The following RBFOX1 variants were observed in gnomAD, a reference collection of about 807,000 sequenced individuals.
The protein encoded by RBFOX1 is RNA binding protein fox-1 homolog 1.
A neutral mutation model predicts 57.7 loss-of-function variants in RBFOX1; 8 were observed. The ratio of observed to expected loss-of-function variants is 0.14; its 90% CI spans 0.08 to 0.25. RBFOX1 has a LOEUF of 0.25. RBFOX1 is among the 10% of genes least tolerant of loss of function. The probability of loss-of-function intolerance (pLI) is 1.00; values close to 1 mark genes in which losing one functional copy is unlikely to be tolerated. For missense variants in RBFOX1, 611 were observed against 548.5 expected, an observed-to-expected ratio of 1.11 and a Z score of -1.14; for synonymous variants, 326 against 222.4, an observed-to-expected ratio of 1.47 and a Z score of -4.15.
In RBFOX1 at chr16:6,954,076, C is replaced by T. The variant is rs150017758; in HGVS notation, c.-15-97981C>T. ...AGAGAGAACTTCTCTGTCAACAAGG[C>T]GGTAATAAAGTGTAACAGACAACAC... On this transcript the variant is annotated intron_variant, in intron 3 of 15. Transcript: ENST00000550418. Among the ~76,000 whole-genome samples, 7 of 152,174 alleles carry T rather than the reference C, an allele frequency of 4.6e-5. No individual in the cohort carries two copies. In the East Asian group the frequency reaches 1.2e-3, roughly 25 times the overall value.
intron 4 of RBFOX1, among the ~76,000 whole-genome samples, chr16:7,199,726 C>T (rs867310485): frequency 6.6e-6 from 1 of 152,064 alleles, no homozygotes; most frequent in East Asian, 1.9e-4. Flanking sequence ...GAAACCCCGT[C>T]TTTACTAAAA....
At chr16:7,015,843 A>G (rs1042975736) in intron 3 of RBFOX1, among the ~76,000 whole-genome samples, 5 of 152,060 alleles carry the variant, frequency 3.3e-5, no homozygotes, top group African/African-American at 9.7e-5. Context: ...ACAATAAGCA[A>G]TTGTGAAATA....
intron 1 of RBFOX1, among the ~76,000 whole-genome samples, chr16:5,291,363 C>T (rs1334248488): frequency 6.7e-6 from 1 of 148,558 alleles, no homozygotes; most frequent in African/African-American, 2.5e-5. Flanking sequence ...TCCGGGTTCA[C>T]GCCATTCTCC....
chr16:5,500,255 C>T (rs898007266), intron 2 of RBFOX1, among the ~76,000 whole-genome samples: 43 of 140,794 alleles, frequency 3.1e-4, no homozygotes, highest in African/African-American at 1.1e-3. Flanking sequence ...CTGTTCCATT[C>T]GTTTTTGCCC....
In RBFOX1 at chr16:7,460,230, A is replaced by G. The variant is rs539197083; in HGVS notation, c.28-57917A>G. ...CTCCAGACATCATGTGGAAACTGCA[A>G]CACCCAGAAGAAGAACAAAAAATAT... On this transcript the variant is annotated intron_variant, in intron 4 of 15. Transcript: ENST00000550418. 2.6e-5 allele frequency among the ~76,000 whole-genome samples: 4 copies of G among 151,800 alleles called. No individual in the cohort carries two copies. The East Asian group carries it at 5.8e-4, about 22-fold the overall frequency.
chr16:7,224,844 C>G (rs1472611845), intron 4 of RBFOX1, among the ~76,000 whole-genome samples: 3 of 152,130 alleles, frequency 2.0e-5, no homozygotes, highest in African/African-American at 7.2e-5. Context: ...ATGTTCCAGA[C>G]ACACCTACTG....
intron 13 of RBFOX1, chr16:7,671,709 G>C: frequency 9.9e-7 from 1 of 1,011,586 alleles, no homozygotes; most frequent in Non-Finnish European, 1.5e-6. Context: ...TAACATAGGA[G>C]GAAAGACTTA....
chr16:7,371,194 A>C (rs1405501801), intron 4 of RBFOX1, among the ~76,000 whole-genome samples: 3 of 152,166 alleles, frequency 2.0e-5, no homozygotes, highest in Non-Finnish European at 4.4e-5. Flanking sequence ...CTCATAATTT[A>C]CTTCTTTAAC....
intron 2 of RBFOX1, among the ~76,000 whole-genome samples, chr16:6,406,408 A>G (rs945996298): frequency 6.6e-6 from 1 of 152,164 alleles, no homozygotes. Flanking sequence ...AGAACATAAA[A>G]CTTAGACAAA....
intron 4 of RBFOX1, among the ~76,000 whole-genome samples, chr16:5,964,877 T>C (rs1004236685): frequency 6.6e-6 from 1 of 151,978 alleles, no homozygotes; most frequent in African/African-American, 2.4e-5. Flanking sequence ...GCTGAATGGA[T>C]AAAGAAAATG....
intron 14 of RBFOX1, among the ~76,000 whole-genome samples, chr16:7,699,405 T>A (rs1489471183): frequency 6.6e-6 from 1 of 152,170 alleles, no homozygotes; most frequent in African/African-American, 2.4e-5. Flanking sequence ...TTGCCCAGGC[T>A]GATCTCAAAC....
chr16:5,967,166 A>G (rs1040863577), intron 4 of RBFOX1, among the ~76,000 whole-genome samples: 5 of 152,286 alleles, frequency 3.3e-5, no homozygotes, highest in Non-Finnish European at 7.3e-5. Context: ...CAAAGCCACA[A>G]ATATTTACTA....
intron 3 of RBFOX1, among the ~76,000 whole-genome samples, chr16:5,707,149 C>G (rs758214753): frequency 9.2e-5 from 14 of 152,240 alleles, no homozygotes; most frequent in African/African-American, 3.4e-4. Flanking sequence ...CAATACAAGC[C>G]TCATTAGTGG....
At chr16:6,862,356 C>T (rs757543226) in intron 3 of RBFOX1, among the ~76,000 whole-genome samples, 1 of 152,116 alleles carries the variant, frequency 6.6e-6, no homozygotes, top group Non-Finnish European at 1.5e-5. Context: ...CCTGGAAGCA[C>T]ATTTTGAACA....
At chr16:6,024,067 G>C (rs930425972) in intron 1 of RBFOX1, among the ~76,000 whole-genome samples, 1 of 152,052 alleles carries the variant, frequency 6.6e-6, no homozygotes, top group Non-Finnish European at 1.5e-5. Context: ...CTCATTTTTT[G>C]AATCTGTAGT....
At chr16:7,554,225 C>T (rs926444254) in intron 5 of RBFOX1, among the ~76,000 whole-genome samples, 8 of 152,194 alleles carry the variant, frequency 5.3e-5, no homozygotes, top group African/African-American at 1.9e-4. Context: ...GCTAGGGGAA[C>T]AAAGAGTAGC....
chr16:6,819,703 C>A (rs1389566187), intron 3 of RBFOX1, among the ~76,000 whole-genome samples: 1 of 28,152 alleles, frequency 3.6e-5, no homozygotes, highest in African/African-American at 1.8e-4. Flanking sequence ...GAAACTCTGA[C>A]TCAAAAAAAA....
chr16:7,432,689 A>T (rs1307199236), intron 4 of RBFOX1, among the ~76,000 whole-genome samples: 1 of 152,182 alleles, frequency 6.6e-6, no homozygotes, highest in East Asian at 1.9e-4. Context: ...ACCAAAACAG[A>T]TGGTTGGCTG....
At chr16:5,970,636 CCTG>C (rs2059943854) in intron 4 of RBFOX1, among the ~76,000 whole-genome samples, 1 of 152,180 alleles carries the variant, frequency 6.6e-6, no homozygotes, top group South Asian at 2.1e-4. Context: ...CAAATTAGCA[CCTG>C]CCAGACTGTC....
Sources: gnomAD v4.1 joint callset for allele counts (sites outside exome capture counted in the v4.1 genomes callset) on GRCh38, gnomAD v4.1.1 for gene constraint, MANE v1.5 for transcripts, NCBI Gene and HGNC (gene_info 2026-07-23, HGNC 2026-07-21) for gene names.